Variants in GRIK1 observed in about 807,000 individuals in gnomAD.
The protein encoded by GRIK1 is glutamate ionotropic receptor kainate type subunit 1.
GRIK1 carries 69 observed loss-of-function variants against 105.7 expected under a neutral mutation model. The ratio of observed to expected loss-of-function variants is 0.65; its 90% confidence interval spans 0.54 to 0.80. The LOEUF (loss-of-function observed/expected upper bound fraction) is 0.80, where lower values mean the gene tolerates loss of function less well. GRIK1 is among the 30% of genes least tolerant of loss of function. The probability of loss-of-function intolerance (pLI) is 0.00; values close to 1 mark genes in which losing one functional copy is unlikely to be tolerated. For synonymous variants in GRIK1, 438 were observed against 431.3 expected, an observed-to-expected ratio of 1.02 and a Z score of -0.19; for missense variants, 1,109 against 1,167.3, an observed-to-expected ratio of 0.95 and a Z score of 0.73.
intron 1 of GRIK1, among the ~76,000 whole-genome samples, chr21:29,746,950 A>G (rs1329878614): frequency 6.6e-6 from 1 of 152,210 alleles, no homozygotes; most frequent in East Asian, 1.9e-4. Context: ...CTACACCTCA[A>G]TCAGATTAAA....
chr21:29,846,833 T>A (rs2068139765), intron 1 of GRIK1, among the ~76,000 whole-genome samples: 1 of 151,792 alleles, frequency 6.6e-6, no homozygotes, highest in African/African-American at 2.4e-5. Flanking sequence ...TTTTTGTTCG[T>A]TTGTTTCCTT....
intron 1 of GRIK1, among the ~76,000 whole-genome samples, chr21:29,837,620 A>C (rs142333170): frequency 1.7e-4 from 26 of 152,330 alleles, no homozygotes; most frequent in African/African-American, 6.3e-4. Context: ...AGAGTCAGCC[A>C]AGCTTATGAG....
chr21:29,765,881 T>A (rs1284551767), intron 1 of GRIK1, among the ~76,000 whole-genome samples: 1 of 151,450 alleles, frequency 6.6e-6, no homozygotes, highest in Non-Finnish European at 1.5e-5. Flanking sequence ...AGACAGAATC[T>A]CGCTCTGTCA....
intron 1 of GRIK1, among the ~76,000 whole-genome samples, chr21:29,729,117 C>T (rs2064545694): frequency 6.6e-6 from 1 of 152,112 alleles, no homozygotes; most frequent in South Asian, 2.1e-4. Flanking sequence ...TCCCATTCCC[C>T]AAAGCTTCCT....
intron 7 of GRIK1, among the ~76,000 whole-genome samples, chr21:29,629,226 G>GTGTGTGTGTGTGTGTGTT (rs1405000278): frequency 2.7e-5 from 4 of 150,570 alleles, no homozygotes; most frequent in African/African-American, 9.7e-5. Context: ...GTGTGTGTGT[G>GTGTGTGTGTGTGTGTGTT]TGTGTGTGCT....
At chr21:29,874,628 T>A (rs1311374812) in intron 1 of GRIK1, among the ~76,000 whole-genome samples, 1 of 152,198 alleles carries the variant, frequency 6.6e-6, no homozygotes, top group Non-Finnish European at 1.5e-5. Context: ...TTGGGACCCC[T>A]GTTTTAGGAG....
rs113341387 is a variant in GRIK1, at chr21:29,594,318, G to T, written c.1251+2208C>A. On this transcript the variant is annotated intron_variant, in intron 9 of 17. Coordinates refer to ENST00000327783, the MANE Select transcript of GRIK1 (RefSeq NM_001330994.2). ...CAGGAAATGAATGTCTCCCTTTAAA[G>T]AAGTCAGATCTCATGATTCATGTGT... 3.3e-3 allele frequency among the ~76,000 whole-genome samples: 505 copies of T among 152,298 alleles called. 4 individuals are homozygous for T. Among genetic ancestry groups the T allele is most frequent in the African/African-American group, 0.011 (478 of 41,578 alleles).
intron 1 of GRIK1, among the ~76,000 whole-genome samples, chr21:29,825,215 CTG>C (rs1212572787): frequency 6.6e-6 from 1 of 151,814 alleles, no homozygotes; most frequent in Non-Finnish European, 1.5e-5. Context: ...TTTTAGAAAA[CTG>C]AAGTTTATAG....
intron 4 of GRIK1, among the ~76,000 whole-genome samples, chr21:29,663,673 T>C (rs547740499): frequency 1.3e-5 from 2 of 152,280 alleles, no homozygotes; most frequent in African/African-American, 2.4e-5. Flanking sequence ...TTAGACATAA[T>C]AGATATTTTT....
chr21:29,795,718 T>C (rs1269404761), intron 1 of GRIK1, among the ~76,000 whole-genome samples: 1 of 152,218 alleles, frequency 6.6e-6, no homozygotes, highest in African/African-American at 2.4e-5. Flanking sequence ...AGAAATAACT[T>C]TTGATGACTC....
intron 2 of GRIK1, among the ~76,000 whole-genome samples, chr21:29,693,445 A>C (rs918159708): frequency 1.3e-5 from 2 of 152,222 alleles, no homozygotes; most frequent in Non-Finnish European, 2.9e-5. Flanking sequence ...AGTAAAAAAA[A>C]GTTGAGAGGA....
intron 3 of GRIK1, among the ~76,000 whole-genome samples, chr21:29,676,081 G>GTT (rs1475692026): frequency 2.6e-5 from 4 of 152,148 alleles, no homozygotes; most frequent in Non-Finnish European, 5.9e-5. Flanking sequence ...AACTTTTACA[G>GTT]TTGTTTCATA....
At chr21:29,639,329 CGCATAGCTT>C (rs1568920598) in intron 7 of GRIK1, among the ~76,000 whole-genome samples, 1 of 152,112 alleles carries the variant, frequency 6.6e-6, no homozygotes, top group East Asian at 1.9e-4. Context: ...AGACTGAAAA[CGCATAGCTT>C]GGAGATAGAC....
At chr21:29,626,674 G>A (rs985541902) in intron 7 of GRIK1, among the ~76,000 whole-genome samples, 1 of 152,176 alleles carries the variant, frequency 6.6e-6, no homozygotes, top group Admixed American at 6.5e-5. Context: ...ATTGATTCAT[G>A]CACTCCAGTC....
chr21:29,618,015 C>T (rs2061891388), intron 7 of GRIK1, among the ~76,000 whole-genome samples: 1 of 152,172 alleles, frequency 6.6e-6, no homozygotes, highest in African/African-American at 2.4e-5. Flanking sequence ...ATCACATTGA[C>T]CCTGACTGAA....
chr21:29,680,316 T>G lies in GRIK1; in HGVS notation c.545-7152A>C, dbSNP rs183347419. ...GGACATGATCATATATAATAAAAACTTTCAAATGGGGAACACATTCAAATA... is the reference window on the plus strand; with the variant it reads ...GGACATGATCATATATAATAAAAACGTTCAAATGGGGAACACATTCAAATA... On this transcript the variant is annotated intron_variant, in intron 3 of 17. Coordinates refer to ENST00000327783, the MANE Select transcript of GRIK1 (RefSeq NM_001330994.2). Among the ~76,000 whole-genome samples the G allele has an allele frequency of 3.9e-5, 6 of 152,334 alleles. No individual in the cohort carries two copies. In the East Asian group the frequency reaches 1.2e-3, roughly 29 times the overall value.
intron 10 of GRIK1, among the ~76,000 whole-genome samples, chr21:29,590,251 T>C (rs1182063035): frequency 6.6e-6 from 1 of 152,160 alleles, no homozygotes; most frequent in Non-Finnish European, 1.5e-5. Flanking sequence ...GCAAACCAGT[T>C]TTTCCTTTGG....
intron 1 of GRIK1, among the ~76,000 whole-genome samples, chr21:29,751,429 C>T (rs992966340): frequency 3.9e-5 from 6 of 152,048 alleles, no homozygotes; most frequent in African/African-American, 1.4e-4. Context: ...ACCTTTTTTC[C>T]AGATCACCTT....
intron 1 of GRIK1, among the ~76,000 whole-genome samples, chr21:29,888,838 G>T (rs1040090611): frequency 3.3e-5 from 5 of 151,646 alleles, no homozygotes; most frequent in African/African-American, 1.2e-4. Context: ...GATTAGAGGA[G>T]TTTTTTTTTC....
Sources: allele counts gnomAD v4.1 joint callset (sites outside exome capture counted in the v4.1 genomes callset), GRCh38; gene constraint gnomAD v4.1.1; transcripts MANE v1.5; gene names NCBI Gene and HGNC (gene_info 2026-07-23, HGNC 2026-07-21).